The following DENND4B variants were observed in gnomAD, a reference collection of about 807,000 sequenced individuals.
DENND4B encodes DENN domain-containing protein 4B.
Under a neutral mutation model 161.0 loss-of-function variants are expected in DENND4B, and 67 were observed. The observed-to-expected ratio is 0.42, with a 90% CI of 0.34 to 0.51. The LOEUF is 0.51. Among genes scored for constraint, DENND4B ranks in the 20% least tolerant of loss-of-function variants. DENND4B has a pLI of 0.08. For missense variants in DENND4B, 1,481 were observed against 1,968.0 expected, an observed-to-expected ratio of 0.75 and a Z score of 4.68; for synonymous variants, 753 against 813.8, an observed-to-expected ratio of 0.93 and a Z score of 1.27.
At position 153,932,773 on chromosome 1, in the gene DENND4B, G is replaced by C. The variant is rs1189518635; in HGVS notation, c.3628C>G (p.Pro1210Ala). Reference protein sequence around the residue: ...VQTLDSRPSVPSPKSAGASGS... With the variant: ...VQTLDSRPSVASPKSAGASGS... ...CTGGCACCAGCAGATTTGGGGCTGG[G>C]GACACTGCAGGGGGATAGCAGCAGG... The change falls in exon 23 of 28, where the codon CCC becomes GCC. Residue 1210 changes from proline (P) to alanine (A), a missense_variant. Transcript: ENST00000361217. This position sits in a 1 kb window ranked among gnomAD's most constrained non-coding sequence, Gnocchi z 5.8. 1 of 1,613,974 alleles carries C rather than the reference G, an allele frequency of 6.2e-7. No homozygotes were observed. The highest frequency in any genetic ancestry group is 1.3e-5 in the African/African-American group (1 of 75,042).
At position 153,934,608 on chromosome 1, in the gene DENND4B, A is replaced by C; in HGVS notation, c.2773+152T>G. On this transcript the variant is annotated intron_variant, in intron 18 of 27. Coordinates refer to ENST00000361217, the MANE Select transcript of DENND4B (RefSeq NM_014856.3). The surrounding 1 kb of genome is among the most constrained non-coding windows in gnomAD (Gnocchi z 5.3). Reference sequence around the variant, plus strand: ...AGGTGCGCGCCACCACGCCCAGCTAATTTTTTTATCCCTTTTGTTACCAGT... The same window carrying C: ...AGGTGCGCGCCACCACGCCCAGCTACTTTTTTTATCCCTTTTGTTACCAGT... The C allele has an allele frequency of 7.3e-7, 1 of 1,369,386 alleles. No individual in the cohort carries two copies. Among genetic ancestry groups the C allele is most frequent in the Non-Finnish European group, 9.7e-7 (1 of 1,027,672 alleles). 84.8% of individuals were successfully genotyped at this position (1,369,386 alleles called of 1,614,324 possible).
chr1:153,941,533 C>A (rs1679671427), intron 6 of DENND4B, 93 bp from the exon 7 acceptor site: 6 of 1,425,906 alleles, frequency 4.2e-6, no homozygotes, highest in Admixed American at 4.5e-5. Flanking sequence ...TTCTCAAGAA[C>A]CTTATTCCTT....
At chr1:153,931,129 G>T (rs1678898978) in intron 24 of DENND4B, 65 bp from the exon 25 acceptor site, 2 of 1,303,762 alleles carry the variant, frequency 1.5e-6, no homozygotes, top group Admixed American at 2.2e-5. Flanking sequence ...ACAAGAAACG[G>T]ACAGGTGATG....
rs898739419 is a variant in DENND4B, at chr1:153,941,719, A to G, written c.1055+150T>C. On this transcript the variant is annotated intron_variant, in intron 6 of 27. Transcript: ENST00000361217. The stretch of plus-strand genomic sequence containing the variant: ...CCCCTCCTCAGCCCGTGGCGTTTTT[A>G]CAGTGGATAAACTGTATAACCACAC... 3.8e-4 allele frequency: 529 copies of G among 1,384,760 alleles called. 1 individual carries two copies. Among genetic ancestry groups the G allele is most frequent in the Non-Finnish European group, 1.2e-4 (121 of 1,043,666 alleles). 85.8% of individuals were successfully genotyped at this position (1,384,760 alleles called of 1,614,324 possible). A position where few individuals can be genotyped will look rare whatever the true frequency, so the allele number is the denominator to read the frequency against.
Position 153,942,928 on chromosome 1 carries a change from C to T in DENND4B, c.520G>A (p.Gly174Ser), listed in dbSNP as rs1254870254. Residue 174 changes from glycine to serine, a missense_variant, in exon 3 of 28, where the codon GGC becomes AGC. Gly to Ser is a moderately conservative substitution (Grantham distance 56, BLOSUM62 0). This residue lies in a region of DENND4B where 806 missense variants were observed against 1,134.4 expected (regional missense o/e 0.71). Transcript: ENST00000361217. The surrounding 1 kb of genome is among the most constrained non-coding windows in gnomAD (Gnocchi z 6.9). ...LCLVLPSKGE[G>S]TPHTYCRLPR... is the part of the protein sequence containing the mutation. ...AGCCGGCAGTAAGTATGAGGAGTGC[C>T]CTCGCCCTTACTGGGCAGCACCAGG... The T allele has an allele frequency of 6.2e-7, 1 of 1,612,538 alleles. No individual in the cohort carries two copies.
At position 153,933,108 on chromosome 1, in the gene DENND4B, T is replaced by TC. The variant is rs1224862789; in HGVS notation, c.3454-79dup. 6.2e-7 allele frequency: 1 copy of TC among 1,609,612 alleles called. No individual in the cohort carries two copies. Among genetic ancestry groups the TC allele is most frequent in the Non-Finnish European group, 8.5e-7 (1 of 1,177,062 alleles). ...GAGCCCATGCCCCTTCCCCAGCCCCTCCCACCTCCTCCCCATCTCCTGCCT... is the reference window on the plus strand; with the variant it reads ...GAGCCCATGCCCCTTCCCCAGCCCCTCCCCACCTCCTCCCCATCTCCTGCCT... On this transcript the variant is annotated intron_variant, in intron 21 of 27. Coordinates refer to ENST00000361217, the MANE Select transcript of DENND4B (RefSeq NM_014856.3). This position sits in a 1 kb window ranked among gnomAD's most constrained non-coding sequence, Gnocchi z 5.7.
chr1:153,941,284 A>C lies in DENND4B; in HGVS notation c.1128T>G (p.Ser376=). 4 of 1,613,878 alleles carry C rather than the reference A, an allele frequency of 2.5e-6. No homozygotes were observed. Among genetic ancestry groups the C allele is most frequent in the African/African-American group, 1.3e-5 (1 of 74,994 alleles). Residue 376 remains serine, a synonymous_variant, in exon 8 of 28, where the codon TCT becomes TCG. Coordinates refer to ENST00000361217, the MANE Select transcript of DENND4B (RefSeq NM_014856.3). ...GACAGAGGAGCAAGTTGTCATAGGG[A>C]GACATCTGGAAGGGAAGAAGAGCCA... ...PQRPRILVQM[S]PYDNLLLCQP...
In DENND4B at chr1:153,934,800, C is replaced by G. The variant is rs1282037586; in HGVS notation, c.2733G>C (p.Glu911Asp). ...QQQQQQQQQQ[E>D]QVSAHQEAGS... ...CTGCCTCTTGATGTGCTGACACCTG[C>G]TCCTGCTGCTGCTGCTGCTGCTGCT... The change falls in exon 18 of 28, where the codon GAG becomes GAC. Residue 911 changes from glutamate (E) to aspartate (D), a missense_variant. Around this residue, in one of 3 missense-constraint regions of DENND4B, gnomAD observed 339 missense variants for 330.3 expected, o/e 1.03. Transcript: ENST00000361217. The surrounding 1 kb of genome is among the most constrained non-coding windows in gnomAD (Gnocchi z 5.3). 6.3e-7 allele frequency: 1 copy of G among 1,594,922 alleles called. No homozygotes were observed. The highest frequency in any genetic ancestry group is 1.1e-5 in the South Asian group (1 of 89,906).
Position 153,933,349 on chromosome 1 carries a change from CA to C in DENND4B, c.3331-31del, listed in dbSNP as rs1348133003. On this transcript the variant is annotated intron_variant, in intron 20 of 27. Coordinates refer to ENST00000361217, the MANE Select transcript of DENND4B (RefSeq NM_014856.3). This position sits in a 1 kb window ranked among gnomAD's most constrained non-coding sequence, Gnocchi z 5.7. ...CATGACATGAGAAACCATGGTCAGC[CA>C]ACCCCATGCTCTTCCACCCAGGATA... 2.0e-5 allele frequency: 33 copies of C among 1,613,008 alleles called. No individual in the cohort carries two copies. The highest frequency in any genetic ancestry group is 2.7e-5 in the African/African-American group (2 of 74,872).
chr1:153,941,249 G>C lies in DENND4B; in HGVS notation c.1163C>G (p.Ser388Cys). Residue 388 changes from serine to cysteine, a missense_variant, in exon 8 of 28, where the codon TCC (serine) becomes TGC (cysteine). Transcript: ENST00000361217. ...YDNLLLCQPV[S>C]SPLPLSGASF... ...CACATACCTGAGGGGCAGGGGTGAGGATACAGGCTGACAGAGGAGCAAGTT... is the reference window on the plus strand; with the variant it reads ...CACATACCTGAGGGGCAGGGGTGAGCATACAGGCTGACAGAGGAGCAAGTT... 6.2e-7 allele frequency: 1 copy of C among 1,613,870 alleles called. No homozygotes were observed. The highest frequency in any genetic ancestry group is 8.5e-7 in the Non-Finnish European group (1 of 1,179,846).
In DENND4B at chr1:153,930,217, G is replaced by A; in HGVS notation, c.*80C>T. On this transcript the variant is annotated 3_prime_UTR_variant, in exon 28 of 28. Coordinates refer to ENST00000361217, the MANE Select transcript of DENND4B (RefSeq NM_014856.3). This position sits in a 1 kb window ranked among gnomAD's most constrained non-coding sequence, Gnocchi z 4.7. The stretch of plus-strand genomic sequence containing the variant: ...CCAGCCTGTTCCCAACTCCATGAAG[G>A]CAACAGGGAAGCAGTTTAACTCTAG... The A allele has an allele frequency of 6.6e-7, 1 of 1,504,036 alleles. No individual in the cohort carries two copies. The highest frequency in any genetic ancestry group is 8.9e-7 in the Non-Finnish European group (1 of 1,119,220). The allele number at this position is 1,504,036 out of a possible 1,614,324, so 93.2% of individuals were successfully genotyped here. A position where few individuals can be genotyped will look rare whatever the true frequency, so the allele number is the denominator to read the frequency against.
intron 1 of DENND4B, among the ~76,000 whole-genome samples, chr1:153,945,644 A>G (rs940849079): frequency 2.0e-5 from 3 of 152,184 alleles, no homozygotes; most frequent in African/African-American, 7.2e-5. Flanking sequence ...CTGGGAGGTA[A>G]AGCCAGGAGT....
In DENND4B at chr1:153,936,794, T is replaced by A; in HGVS notation, c.2233-46A>T. On this transcript the variant is annotated intron_variant, in intron 15 of 27. Coordinates refer to ENST00000361217, the MANE Select transcript of DENND4B (RefSeq NM_014856.3). The surrounding 1 kb of genome is among the most constrained non-coding windows in gnomAD (Gnocchi z 4.1). Reference sequence around the variant, plus strand: ...ATCAGGGTGAGTACAATGCCAGGTCTTTCTTACTTATCTATTTATTTATTT... The same window carrying A: ...ATCAGGGTGAGTACAATGCCAGGTCATTCTTACTTATCTATTTATTTATTT... The A allele has an allele frequency of 7.0e-7, 1 of 1,433,698 alleles. No homozygotes were observed. Among genetic ancestry groups the A allele is most frequent in the Non-Finnish European group, 9.3e-7 (1 of 1,080,206 alleles). 88.8% of individuals were successfully genotyped at this position (1,433,698 alleles called of 1,614,324 possible). A position where few individuals can be genotyped will look rare whatever the true frequency, so the allele number is the denominator to read the frequency against.
chr1:153,934,449 T>C lies in DENND4B; in HGVS notation c.2774-147A>G. On this transcript the variant is annotated intron_variant, in intron 18 of 27. Coordinates refer to ENST00000361217, the MANE Select transcript of DENND4B (RefSeq NM_014856.3). The surrounding 1 kb of genome is among the most constrained non-coding windows in gnomAD (Gnocchi z 5.3). ...TTTGTGTTTGTTTGTTTGTTTGTTTTGTTTTGTTTTTTGAGATGGAGTCTT... is the reference window on the plus strand; with the variant it reads ...TTTGTGTTTGTTTGTTTGTTTGTTTCGTTTTGTTTTTTGAGATGGAGTCTT... The C allele has an allele frequency of 7.9e-7, 1 of 1,266,638 alleles. No homozygotes were observed. The highest frequency in any genetic ancestry group is 1.1e-6 in the Non-Finnish European group (1 of 930,116). The allele number at this position is 1,266,638 out of a possible 1,614,324, so 78.5% of individuals were successfully genotyped here. A position where few individuals can be genotyped will look rare whatever the true frequency, so the allele number is the denominator to read the frequency against.
Position 153,937,370 on chromosome 1 carries a change from C to T in DENND4B, c.2232+118G>A. 7.1e-7 allele frequency: 1 copy of T among 1,399,288 alleles called. No homozygotes were observed. Among genetic ancestry groups the T allele is most frequent in the Non-Finnish European group, 9.4e-7 (1 of 1,067,996 alleles). 86.7% of individuals were successfully genotyped at this position (1,399,288 alleles called of 1,614,324 possible). The stretch of plus-strand genomic sequence containing the variant: ...CTTATGTGCCAAGCACATTTAAACT[C>T]CTAACAACCTCATGGGTTAAGTATT... On this transcript the variant is annotated intron_variant, in intron 15 of 27. Transcript: ENST00000361217. The surrounding 1 kb of genome is among the most constrained non-coding windows in gnomAD (Gnocchi z 4.7).
rs1557846557 is a variant in DENND4B, at chr1:153,933,139, A to T, written c.3453+58T>A. 1 of 1,611,376 alleles carries T rather than the reference A, an allele frequency of 6.2e-7. No homozygotes were observed. ...CTCCTCCCCATCTCCTGCCTTGGAC[A>T]GGGTGAGTGTGTGCTATGTGTGTTC... On this transcript the variant is annotated intron_variant, in intron 21 of 27. Transcript: ENST00000361217. This position sits in a 1 kb window ranked among gnomAD's most constrained non-coding sequence, Gnocchi z 5.7.
At position 153,942,171 on chromosome 1, in the gene DENND4B, C is replaced by T. The variant is rs1165875467; in HGVS notation, c.810+16G>A. ...CCTGCATAGCCTGGACCCCTTGCCA[C>T]ACTCCACACACCCACCTTATCACCA... On this transcript the variant is annotated intron_variant, in intron 5 of 27. Coordinates refer to ENST00000361217, the MANE Select transcript of DENND4B (RefSeq NM_014856.3). This position sits in a 1 kb window ranked among gnomAD's most constrained non-coding sequence, Gnocchi z 6.9. 1 of 1,613,868 alleles carries T rather than the reference C, an allele frequency of 6.2e-7. No homozygotes were observed. Among genetic ancestry groups the T allele is most frequent in the African/African-American group, 1.3e-5 (1 of 74,926 alleles).
Position 153,940,056 on chromosome 1 carries a change from C to G in DENND4B, c.1603+100G>C, listed in dbSNP as rs1679578069. The G allele has an allele frequency of 9.2e-7, 1 of 1,089,530 alleles. No individual in the cohort carries two copies. The highest frequency in any genetic ancestry group is 1.6e-5 in the African/African-American group (1 of 62,870). 67.5% of individuals were successfully genotyped at this position (1,089,530 alleles called of 1,614,324 possible). On this transcript the variant is annotated intron_variant, in intron 11 of 27. Coordinates refer to ENST00000361217, the MANE Select transcript of DENND4B (RefSeq NM_014856.3). The surrounding 1 kb of genome is among the most constrained non-coding windows in gnomAD (Gnocchi z 5.6). ...CACCAAATGCAATCCTAACTTCACT[C>G]ACCTCCTTAAGAAATGTCTAGCTCC...
At position 153,940,017 on chromosome 1, in the gene DENND4B, A is replaced by G. The variant is rs1679574808; in HGVS notation, c.1603+139T>C. Reference sequence around the variant, plus strand: ...CCTTCTAGCTTCAGTTGGAATTGGAATCTCCCTCAGTTCCACCAAATGCAA... The same window carrying G: ...CCTTCTAGCTTCAGTTGGAATTGGAGTCTCCCTCAGTTCCACCAAATGCAA... On this transcript the variant is annotated intron_variant, in intron 11 of 27. Transcript: ENST00000361217. The surrounding 1 kb of genome is among the most constrained non-coding windows in gnomAD (Gnocchi z 5.6). 1.2e-6 allele frequency: 1 copy of G among 861,136 alleles called. No individual in the cohort carries two copies. The highest frequency in any genetic ancestry group is 1.8e-6 in the Non-Finnish European group (1 of 564,436). The allele number at this position is 861,136 out of a possible 1,614,324, so 53.3% of individuals were successfully genotyped here.
Sources: gnomAD v4.1 joint callset for allele counts (sites outside exome capture counted in the v4.1 genomes callset) on GRCh38, gnomAD v4.1.1 for gene constraint, gnomAD v4.1.1 regional missense constraint, Gnocchi (gnomAD v3.1) non-coding constraint, MANE v1.5 for transcripts, NCBI Gene and HGNC (gene_info 2026-07-23, HGNC 2026-07-21) for gene names.